The following FLVCR2 variants were observed in gnomAD, a reference collection of about 807,000 sequenced individuals.
FLVCR2 encodes FLVCR choline and putative heme transporter 2.
A neutral mutation model predicts 48.9 loss-of-function variants in FLVCR2; 38 were observed. The observed-to-expected ratio is 0.78, with a 90% CI of 0.60 to 1.02. FLVCR2 has a LOEUF of 1.02. FLVCR2 is among the 50% of genes least tolerant of loss of function. The pLI, the probability that FLVCR2 is intolerant of heterozygous loss-of-function variation, is 0.00. For synonymous variants in FLVCR2, 255 were observed against 257.0 expected (o/e 0.99, Z 0.07); for missense variants, 664 against 663.3 (o/e 1.00, Z -0.01).
rs754820913 is a variant in FLVCR2 at position 75,639,392 on chromosome 14, A to G, written c.1165A>G (p.Met389Val). Reference protein sequence around the residue: ...LVVYIMTLVGMVVYTFTLNLG... With the variant: ...LVVYIMTLVGVVVYTFTLNLG... ...AGTCTATATCATGACACTGGTGGGC[A>G]TGGTGGTGTACACGTTTACCTTGAA... The change falls in exon 6 of 10, where the codon ATG becomes GTG. Residue 389 changes from methionine to valine, a missense_variant. By Grantham distance (21) the Met-to-Val change is conservative (BLOSUM62 1). Transcript: ENST00000238667. 8 of 1,613,956 alleles carry G rather than the reference A, an allele frequency of 5.0e-6. No homozygotes were observed. The Admixed American group carries it at 1.0e-4, about 20-fold the overall frequency.
At chr14:75,611,418 A>G (rs1479381671) in intron 1 of FLVCR2, among the ~76,000 whole-genome samples, 2 of 152,154 alleles carry the variant, frequency 1.3e-5, no homozygotes, top group Non-Finnish European at 2.9e-5. Context: ...TGGGCAAATT[A>G]TAGAGGCTTT....
chr14:75,617,213 C>T (rs1213693471), intron 1 of FLVCR2, among the ~76,000 whole-genome samples: 1 of 152,152 alleles, frequency 6.6e-6, no homozygotes, highest in Non-Finnish European at 1.5e-5. Context: ...TTTATTCTTG[C>T]TCTGCCAAAT....
Position 75,638,993 on chromosome 14 carries a change from G to T in FLVCR2, c.1125-359G>T, listed in dbSNP as rs150967407. ...ACTTTAGCAGGCCAAGGCAGGTGGA[G>T]CACTTGAGGTCAGGAGTTCGATACC... On this transcript the variant is annotated intron_variant, in intron 5 of 9. Coordinates refer to ENST00000238667, the MANE Select transcript of FLVCR2 (RefSeq NM_017791.3). Among the ~76,000 whole-genome samples the T allele has an allele frequency of 9.3e-3, 1,422 of 152,234 alleles. 68 individuals are homozygous for T. The highest frequency in any genetic ancestry group is 0.086 in the Admixed American group (1,311 of 15,294).
intron 1 of FLVCR2, among the ~76,000 whole-genome samples, chr14:75,601,946 G>A (rs1889176876): frequency 6.6e-6 from 1 of 152,060 alleles, no homozygotes; most frequent in Non-Finnish European, 1.5e-5. Flanking sequence ...TCCTCTTCAG[G>A]TTTGATTTGC....
chr14:75,598,176 A>G lies in FLVCR2; in HGVS notation c.669+18535A>G, dbSNP rs997093703. On this transcript the variant is annotated intron_variant, in intron 1 of 9. Transcript: ENST00000238667. Reference sequence around the variant, plus strand: ...GGTTGATTTATGATACGTTTGCTGTAAGGTTCAGTGGGAAGCAGTGGGAGC... The same window carrying G: ...GGTTGATTTATGATACGTTTGCTGTGAGGTTCAGTGGGAAGCAGTGGGAGC... Among the ~76,000 whole-genome samples the G allele has an allele frequency of 3.3e-5, 5 of 152,006 alleles. 1 individual carries two copies. The highest frequency in any genetic ancestry group is 1.2e-4 in the African/African-American group (5 of 41,356).
intron 3 of FLVCR2, among the ~76,000 whole-genome samples, chr14:75,627,633 G>A (rs144048675): frequency 2.0e-5 from 3 of 152,328 alleles, no homozygotes; most frequent in African/African-American, 7.2e-5. Context: ...CCCCGGAAAA[G>A]CCCTATTCAT....
chr14:75,609,604 A>T (rs769319271), intron 1 of FLVCR2, among the ~76,000 whole-genome samples: 32 of 152,172 alleles, frequency 2.1e-4, no homozygotes, highest in Non-Finnish European at 4.0e-4. Flanking sequence ...CTTGAAGTGC[A>T]TGCTCCAGAG....
chr14:75,599,440 G>A (rs138638272), intron 1 of FLVCR2, among the ~76,000 whole-genome samples: 90 of 152,104 alleles, frequency 5.9e-4, no homozygotes, highest in African/African-American at 2.1e-3. Flanking sequence ...ACAAAATGTT[G>A]CTGAAAGAAA....
chr14:75,585,903 G>C (rs1164417390), intron 1 of FLVCR2, among the ~76,000 whole-genome samples: 2 of 152,226 alleles, frequency 1.3e-5, no homozygotes, highest in East Asian at 3.8e-4. Context: ...AGAGAGGCTG[G>C]AGAAGAGAGT....
At chr14:75,583,016 C>T (rs775372309) in intron 1 of FLVCR2, among the ~76,000 whole-genome samples, 1 of 152,162 alleles carries the variant, frequency 6.6e-6, no homozygotes, top group African/African-American at 2.4e-5. Flanking sequence ...AAGTAATGGG[C>T]GCTGTCCTTG....
chr14:75,621,129 G>A (rs528182265), intron 1 of FLVCR2, among the ~76,000 whole-genome samples: 5 of 152,146 alleles, frequency 3.3e-5, no homozygotes, highest in African/African-American at 4.8e-5. Context: ...GTCGGTCACT[G>A]GAGTTTGGAC....
chr14:75,595,716 G>T, intron 1 of FLVCR2: 2 of 610,486 alleles, frequency 3.3e-6, no homozygotes, highest in Admixed American at 2.9e-5. Context: ...TTGTTTGTTT[G>T]TTTTTGTGTT....
chr14:75,620,488 A>C (rs1314207548), intron 1 of FLVCR2, among the ~76,000 whole-genome samples: 1 of 152,068 alleles, frequency 6.6e-6, no homozygotes, highest in Non-Finnish European at 1.5e-5. Flanking sequence ...TAATTATAAT[A>C]AACGATTACA....
chr14:75,580,287 G>A (rs1888562635), intron 1 of FLVCR2, among the ~76,000 whole-genome samples: 1 of 152,214 alleles, frequency 6.6e-6, no homozygotes, highest in African/African-American at 2.4e-5. Context: ...CTTATTGGAA[G>A]GAGAAGCTCA....
chr14:75,617,874 A>T (rs1889655625), intron 1 of FLVCR2, among the ~76,000 whole-genome samples: 1 of 152,244 alleles, frequency 6.6e-6, no homozygotes, highest in Admixed American at 6.5e-5. Context: ...TTCCTGAGGA[A>T]GCAGGATTTG....
chr14:75,608,314 G>T (rs1167201509), intron 1 of FLVCR2, among the ~76,000 whole-genome samples: 2 of 152,188 alleles, frequency 1.3e-5, no homozygotes, highest in African/African-American at 4.8e-5. Context: ...TATACTTGCT[G>T]ATTTGATCCT....
chr14:75,586,706 C>T (rs936695328), intron 1 of FLVCR2, among the ~76,000 whole-genome samples: 2 of 152,022 alleles, frequency 1.3e-5, no homozygotes, highest in African/African-American at 2.4e-5. Flanking sequence ...GCTTGTACTC[C>T]GGTAATTCTG....
At chr14:75,605,637 C>T in intron 1 of FLVCR2, 2 of 1,535,744 alleles carry the variant, frequency 1.3e-6, no homozygotes, top group Non-Finnish European at 8.7e-7. Context: ...GAGGATAGAT[C>T]TTACTTCCTT....
intron 3 of FLVCR2, among the ~76,000 whole-genome samples, chr14:75,629,764 G>A (rs1045161890): frequency 4.6e-5 from 7 of 152,228 alleles, no homozygotes; most frequent in Non-Finnish European, 7.3e-5. Context: ...CTCAAAGGGC[G>A]TACTTTTCCC....
Sources: gnomAD v4.1 joint callset for allele counts (sites outside exome capture counted in the v4.1 genomes callset) on GRCh38, gnomAD v4.1.1 for gene constraint, MANE v1.5 for transcripts, NCBI Gene and HGNC (gene_info 2026-07-23, HGNC 2026-07-21) for gene names.